SEZ6L: variants seen among roughly 807,000 people sequenced by gnomAD.
SEZ6L encodes seizure 6-like protein.
Under a neutral mutation model 106.2 loss-of-function variants are expected in SEZ6L, and 37 were observed. The ratio of observed to expected loss-of-function variants is 0.35; its 90% CI spans 0.27 to 0.46. The LOEUF (loss-of-function observed/expected upper bound fraction) is 0.46, where lower values mean the gene tolerates loss of function less well. SEZ6L is among the 20% of genes least tolerant of loss of function. The pLI, the probability that SEZ6L is intolerant of heterozygous loss-of-function variation, is 1.00. For synonymous variants in SEZ6L, 541 were observed against 570.4 expected (o/e 0.95, Z 0.73); for missense variants, 1,172 against 1,332.8 (o/e 0.88, Z 1.88).
chr22:26,219,254 G>GTGT lies in SEZ6L; in HGVS notation c.94+49492_94+49493insGTT, dbSNP rs1556124260. Among the ~76,000 whole-genome samples, 17 of 135,102 alleles carry GTGT rather than the reference G, an allele frequency of 1.3e-4. 3 individuals carry two copies. The highest frequency in any genetic ancestry group is 1.6e-4 in the Non-Finnish European group (10 of 63,934). 88.6% of individuals were successfully genotyped at this position (135,102 alleles called of 152,430 possible). A position where few individuals can be genotyped will look rare whatever the true frequency, so the allele number is the denominator to read the frequency against. On this transcript the variant is annotated intron_variant, in intron 1 of 16. Coordinates refer to ENST00000248933, the MANE Select transcript of SEZ6L (RefSeq NM_021115.5). ...CATAGAAGATGTTCGAGAAATACAA[G>GTGT]TTTTTTTTTTTTTTTTCGCTCCTGG...
intron 1 of SEZ6L, among the ~76,000 whole-genome samples, chr22:26,255,512 G>C (rs7287416): frequency 6.6e-6 from 1 of 152,168 alleles, no homozygotes; most frequent in African/African-American, 2.4e-5. Context: ...AGGTTTGTGA[G>C]CCTGAATCAA....
At chr22:26,349,262 C>G (rs1189525339) in intron 11 of SEZ6L, among the ~76,000 whole-genome samples, 4 of 152,188 alleles carry the variant, frequency 2.6e-5, no homozygotes, top group African/African-American at 7.2e-5. Flanking sequence ...ACAATGGTCT[C>G]CCCATAGAAG....
chr22:26,342,476 T>G (rs3788394), intron 10 of SEZ6L, among the ~76,000 whole-genome samples: 28,032 of 151,096 alleles, frequency 0.19, 2,796 homozygotes, highest in South Asian at 0.34. Flanking sequence ...GATTACGAGG[T>G]CAGGAGATCG....
chr22:26,216,996 G>A (rs2078317614), intron 1 of SEZ6L, among the ~76,000 whole-genome samples: 1 of 152,164 alleles, frequency 6.6e-6, no homozygotes, highest in South Asian at 2.1e-4. Context: ...GGGCTCTCCT[G>A]CACCCCTGAG....
At chr22:26,291,598 A>G (rs2081110480) in intron 1 of SEZ6L, among the ~76,000 whole-genome samples, 2 of 152,276 alleles carry the variant, frequency 1.3e-5, no homozygotes, top group Admixed American at 1.3e-4. Flanking sequence ...AGAACTTAAA[A>G]TTAAAATTTA....
intron 15 of SEZ6L, among the ~76,000 whole-genome samples, chr22:26,376,294 A>G (rs1396554351): frequency 6.6e-6 from 1 of 152,208 alleles, no homozygotes; most frequent in Admixed American, 6.5e-5. Flanking sequence ...ATGTAAGAAA[A>G]TATGTAGTGT....
chr22:26,182,071 A>T (rs1446465626), intron 1 of SEZ6L, among the ~76,000 whole-genome samples: 1 of 152,156 alleles, frequency 6.6e-6, no homozygotes, highest in Admixed American at 6.5e-5. Flanking sequence ...GCACTGTTTT[A>T]TCTCCCTCCC....
chr22:26,169,822 C>A, intron 1 of SEZ6L, 59 bp downstream of exon 1: 3 of 900,814 alleles, frequency 3.3e-6, no homozygotes, highest in Non-Finnish European at 4.4e-6. Context: ...AGCGGGGCAG[C>A]CAGGGGTCGG....
intron 14 of SEZ6L, 116 bp from the exon 15 acceptor site, chr22:26,375,459 C>A: frequency 1.3e-6 from 1 of 784,894 alleles, no homozygotes; most frequent in African/African-American, 1.7e-5. Context: ...CTAAGGCCCT[C>A]CCAGAGCCTT....
Position 26,296,794 on chromosome 22 carries a change from T to C in SEZ6L, c.970-94T>C. On this transcript the variant is annotated intron_variant, in intron 3 of 16. Transcript: ENST00000248933. ...CCGTTGACCAGGGGCTAGCAGTACCTGGGCCACTTTTCACTGACTTCTTTG... is the reference window on the plus strand; with the variant it reads ...CCGTTGACCAGGGGCTAGCAGTACCCGGGCCACTTTTCACTGACTTCTTTG... The C allele has an allele frequency of 1.8e-6, 2 of 1,142,754 alleles. 1 individual carries two copies. The highest frequency in any genetic ancestry group is 4.1e-5 in the South Asian group (2 of 48,952). The allele number at this position is 1,142,754 out of a possible 1,614,324, so 70.8% of individuals were successfully genotyped here.
At chr22:26,315,029 C>T (rs547148142) in intron 9 of SEZ6L, among the ~76,000 whole-genome samples, 12 of 152,278 alleles carry the variant, frequency 7.9e-5, no homozygotes, top group African/African-American at 2.2e-4. Context: ...AGGTGGCAGA[C>T]GGGAGGGTGG....
At chr22:26,373,139 G>A (rs2084096435) in intron 13 of SEZ6L, among the ~76,000 whole-genome samples, 1 of 152,188 alleles carries the variant, frequency 6.6e-6, no homozygotes, top group African/African-American at 2.4e-5. Context: ...TAACAAGATT[G>A]TTATGAGGAT....
intron 1 of SEZ6L, among the ~76,000 whole-genome samples, chr22:26,235,838 G>A (rs139874068): frequency 3.3e-5 from 5 of 152,304 alleles, no homozygotes; most frequent in Non-Finnish European, 5.9e-5. Context: ...GGAGGGCCAT[G>A]GGGAAGCCAT....
intron 9 of SEZ6L, among the ~76,000 whole-genome samples, chr22:26,338,714 C>T (rs1273815545): frequency 6.6e-6 from 1 of 152,132 alleles, no homozygotes; most frequent in Non-Finnish European, 1.5e-5. Context: ...CATCTGCCAC[C>T]ACGCCCAGCT....
At chr22:26,236,795 G>A (rs1267104452) in intron 1 of SEZ6L, among the ~76,000 whole-genome samples, 4 of 152,186 alleles carry the variant, frequency 2.6e-5, no homozygotes, top group Non-Finnish European at 5.9e-5. Flanking sequence ...AGTAATACCT[G>A]CAGGATGACA....
chr22:26,312,784 G>A (rs932173279), intron 8 of SEZ6L, among the ~76,000 whole-genome samples: 2 of 152,164 alleles, frequency 1.3e-5, no homozygotes, highest in African/African-American at 4.8e-5. Context: ...CAGCCAGGCT[G>A]GTCTCGAACT....
chr22:26,263,533 G>A (rs2145823063), intron 1 of SEZ6L, among the ~76,000 whole-genome samples: 1 of 152,322 alleles, frequency 6.6e-6, no homozygotes, highest in African/African-American at 2.4e-5. Context: ...TTTCCATCCT[G>A]CCATAATGCC....
intron 9 of SEZ6L, among the ~76,000 whole-genome samples, chr22:26,334,165 A>G (rs2082574679): frequency 1.3e-5 from 2 of 152,196 alleles, no homozygotes; most frequent in South Asian, 2.1e-4. Flanking sequence ...TACAATATAT[A>G]TATCTACATA....
intron 1 of SEZ6L, among the ~76,000 whole-genome samples, chr22:26,234,843 CAG>C (rs1226951968): frequency 3.3e-5 from 5 of 152,156 alleles, no homozygotes; most frequent in Non-Finnish European, 7.3e-5. Flanking sequence ...ACTGCAGTAG[CAG>C]AGAGAAATGA....
Sources: allele counts gnomAD v4.1 joint callset (sites outside exome capture counted in the v4.1 genomes callset), GRCh38; gene constraint gnomAD v4.1.1; transcripts MANE v1.5; gene names NCBI Gene and HGNC (gene_info 2026-07-23, HGNC 2026-07-21).